The following TMEM132B variants were observed in gnomAD, a reference collection of about 807,000 sequenced individuals.
TMEM132B encodes transmembrane protein 132B.
In TMEM132B, 18 loss-of-function variants were observed where a neutral mutation model predicts 90.8. The observed-to-expected ratio is 0.20, with a 90% CI of 0.14 to 0.29. The LOEUF (loss-of-function observed/expected upper bound fraction) is 0.29, where lower values mean the gene tolerates loss of function less well. Among genes scored for constraint, TMEM132B ranks in the 10% least tolerant of loss-of-function variants. TMEM132B has a pLI of 1.00. For synonymous variants in TMEM132B, 504 were observed against 523.3 expected (o/e 0.96, Z 0.50); for missense variants, 1,096 against 1,326.8 (o/e 0.83, Z 2.70).
chr12:125,573,080 A>G (rs185652799), intron 4 of TMEM132B, among the ~76,000 whole-genome samples: 115 of 152,210 alleles, frequency 7.6e-4, no homozygotes, highest in African/African-American at 2.6e-3. Flanking sequence ...CTTGGCACTT[A>G]AATCAGCCAT....
intron 2 of TMEM132B, among the ~76,000 whole-genome samples, chr12:125,400,154 T>C (rs771107639): frequency 1.2e-4 from 19 of 152,250 alleles, no homozygotes; most frequent in African/African-American, 4.6e-4. Context: ...GCAGCTGTTA[T>C]AGTAGAAGCA....
intron 5 of TMEM132B, among the ~76,000 whole-genome samples, chr12:125,609,484 T>C (rs1187298422): frequency 2.0e-5 from 3 of 152,040 alleles, no homozygotes; most frequent in Admixed American, 6.6e-5. Context: ...GATTTGTAGG[T>C]AATTTTTTTG....
chr12:125,576,201 T>G (rs1425388183), intron 4 of TMEM132B, among the ~76,000 whole-genome samples: 1 of 152,136 alleles, frequency 6.6e-6, no homozygotes, highest in African/African-American at 2.4e-5. Flanking sequence ...ACTACTTTCA[T>G]TAAACTTATT....
At chr12:125,503,096 G>A (rs557909531) in intron 3 of TMEM132B, among the ~76,000 whole-genome samples, 10 of 152,314 alleles carry the variant, frequency 6.6e-5, no homozygotes, top group African/African-American at 1.9e-4. Flanking sequence ...GAGAGCAGAC[G>A]AATTATTGCC....
chr12:125,309,427 G>T (rs1876070940), intron 1 of TMEM132B, among the ~76,000 whole-genome samples: 1 of 152,142 alleles, frequency 6.6e-6, no homozygotes, highest in Non-Finnish European at 1.5e-5. Context: ...CCACACTTTA[G>T]AATCTTAATT....
At chr12:125,389,057 A>AC (rs1593118063) in intron 2 of TMEM132B, among the ~76,000 whole-genome samples, 11 of 119,652 alleles carry the variant, frequency 9.2e-5, no homozygotes, top group South Asian at 8.5e-4. Flanking sequence ...CACACACACA[A>AC]ACACACAAGA....
chr12:125,190,660 G>A (rs1313267681), intron 1 of TMEM132B, among the ~76,000 whole-genome samples: 2 of 39,530 alleles, frequency 5.1e-5, no homozygotes, highest in African/African-American at 9.5e-5. Flanking sequence ...CGATGGTGAT[G>A]GGGAAGGGGT....
intron 5 of TMEM132B, among the ~76,000 whole-genome samples, chr12:125,638,423 C>T (rs1045207834): frequency 6.6e-6 from 1 of 152,068 alleles, no homozygotes; most frequent in Admixed American, 6.6e-5. Context: ...TTTTGAGTAC[C>T]TACTGCGCCT....
In TMEM132B at chr12:125,589,481, CAAAAAAAAAAAA is replaced by C. The variant is rs71095204; in HGVS notation, c.1437+5501_1437+5512del. On this transcript the variant is annotated intron_variant, in intron 5 of 8. Transcript: ENST00000682704. ...CGGGTGACAGAGCGAGACTCCGTCT[CAAAAAAAAAAAA>C]AAAAAAAAAAAAAGAAATACCTGAG... is the stretch of plus-strand genomic sequence containing the variant. 1.1e-4 allele frequency among the ~76,000 whole-genome samples: 8 copies of C among 73,162 alleles called. No individual in the cohort carries two copies. The South Asian group carries it at 5.0e-3, about 46-fold the overall frequency. The allele number at this position is 73,162 out of a possible 152,430, so 48.0% of individuals were successfully genotyped here.
At chr12:125,227,181 T>C (rs1873701773) in intron 1 of TMEM132B, among the ~76,000 whole-genome samples, 1 of 152,176 alleles carries the variant, frequency 6.6e-6, no homozygotes, top group South Asian at 2.1e-4. Flanking sequence ...CCTGCAGTGT[T>C]CTGTGCCACA....
At chr12:125,372,953 C>G (rs1302994709) in intron 2 of TMEM132B, among the ~76,000 whole-genome samples, 2 of 152,216 alleles carry the variant, frequency 1.3e-5, no homozygotes, top group Non-Finnish European at 2.9e-5. Context: ...CAGAGCTGGT[C>G]TCTCCTTGCC....
chr12:125,259,859 G>A (rs1874521386), intron 1 of TMEM132B, among the ~76,000 whole-genome samples: 1 of 151,810 alleles, frequency 6.6e-6, no homozygotes, highest in African/African-American at 2.4e-5. Flanking sequence ...AGAGGATGGG[G>A]GTGCTGCCGC....
At chr12:125,524,186 G>A (rs1883385640) in intron 4 of TMEM132B, among the ~76,000 whole-genome samples, 1 of 152,212 alleles carries the variant, frequency 6.6e-6, no homozygotes, top group South Asian at 2.1e-4. Flanking sequence ...CTACTTCACA[G>A]TGGTGTCAGA....
intron 2 of TMEM132B, among the ~76,000 whole-genome samples, chr12:125,412,688 G>C (rs1566028199): frequency 1.3e-5 from 2 of 152,204 alleles, no homozygotes; most frequent in Non-Finnish European, 2.9e-5. Context: ...ATGGTAGCAA[G>C]TACCGATAGG....
chr12:125,543,452 C>A (rs565560070), intron 4 of TMEM132B, among the ~76,000 whole-genome samples: 196 of 152,304 alleles, frequency 1.3e-3, no homozygotes, highest in Non-Finnish European at 2.1e-3. Context: ...AACTACACAG[C>A]AGGATATGAA....
intron 4 of TMEM132B, among the ~76,000 whole-genome samples, chr12:125,564,864 G>A (rs1015307221): frequency 3.9e-5 from 6 of 152,202 alleles, no homozygotes; most frequent in African/African-American, 1.4e-4. Context: ...CTAAGAGGGG[G>A]CGTTTACAGA....
At position 125,654,469 on chromosome 12, in the gene TMEM132B, G is replaced by T; in HGVS notation, c.3011G>T (p.Arg1004Ile). The T allele has an allele frequency of 6.2e-7, 1 of 1,613,760 alleles. No individual in the cohort carries two copies. Among genetic ancestry groups the T allele is most frequent in the Non-Finnish European group, 8.5e-7 (1 of 1,180,012 alleles). The change falls in exon 9 of 9, where the codon AGA (arginine) becomes ATA (isoleucine). Residue 1004 changes from arginine (R) to isoleucine (I), a missense_variant. Arg to Ile is a moderately conservative substitution (Grantham distance 97). Transcript: ENST00000682704. This position sits in a 1 kb window ranked among gnomAD's most constrained non-coding sequence, Gnocchi z 5.8. ...AAGACTTTTCATAGTCAACTACTCA[G>T]ACCCTCTGACTATGTCTATGAGAAA... ...SQKTFHSQLL[R>I]PSDYVYEKEI...
Position 125,408,228 on chromosome 12 carries a change from G to A in TMEM132B, c.960-7303G>A, listed in dbSNP as rs1359759971. On this transcript the variant is annotated intron_variant, in intron 2 of 8. Transcript: ENST00000682704. The surrounding 1 kb of genome is among the most constrained non-coding windows in gnomAD (Gnocchi z 5.9). ...TGCTTCCTCGTTACTGCTGTATAGT[G>A]TTCCACTGTGAGATGTTACGCTTTA... 6.6e-6 allele frequency among the ~76,000 whole-genome samples: 1 copy of A among 152,214 alleles called. No homozygotes were observed. The highest frequency in any genetic ancestry group is 1.5e-5 in the Non-Finnish European group (1 of 68,048).
Position 125,515,113 on chromosome 12 carries a change from TTCC to T in TMEM132B, c.1107-4321_1107-4319del, listed in dbSNP as rs571499818. Among the ~76,000 whole-genome samples the T allele has an allele frequency of 1.7e-3, 258 of 152,234 alleles. 1 individual carries two copies. The highest frequency in any genetic ancestry group is 5.9e-3 in the African/African-American group (243 of 41,520). On this transcript the variant is annotated intron_variant, in intron 3 of 8. Transcript: ENST00000682704. ...AGCAGTGTCGCCACTCCATGGCGGA[TTCC>T]TCCTAACACACGCAGACACACTCAC...
Sources: gnomAD v4.1 joint callset for allele counts (sites outside exome capture counted in the v4.1 genomes callset) on GRCh38, gnomAD v4.1.1 for gene constraint, Gnocchi (gnomAD v3.1) non-coding constraint, MANE v1.5 for transcripts, NCBI Gene and HGNC (gene_info 2026-07-23, HGNC 2026-07-21) for gene names.